The following URB1 variants were observed in gnomAD, a reference collection of about 807,000 sequenced individuals.
URB1 encodes the protein nucleolar pre-ribosomal-associated protein 1.
In URB1, 197 loss-of-function variants were observed where a neutral mutation model predicts 242.3. The observed-to-expected ratio is 0.81, with a 90% CI of 0.72 to 0.91. URB1 has a LOEUF of 0.91. Ranked by LOEUF, URB1 falls within the 40% of genes least tolerant of loss-of-function variation. The probability of loss-of-function intolerance (pLI) is 0.00; values close to 1 mark genes in which losing one functional copy is unlikely to be tolerated. For missense variants in URB1, 2,721 were observed against 2,860.5 expected (o/e 0.95, Z 1.11); for synonymous variants, 1,153 against 1,201.8 (o/e 0.96, Z 0.84).
At position 32,384,377 on chromosome 21, in the gene URB1, C is replaced by T; in HGVS notation, c.370G>A (p.Val124Met). 6.4e-6 allele frequency: 10 copies of T among 1,552,300 alleles called. No individual in the cohort carries two copies. The highest frequency in any genetic ancestry group is 1.2e-5 in the South Asian group (1 of 84,058). The change falls in exon 3 of 39, where the codon GTG becomes ATG. Residue 124 changes from valine to methionine, a missense_variant. Physicochemically the swap from Val to Met is conservative, Grantham distance 21. Coordinates refer to ENST00000382751, the MANE Select transcript of URB1 (RefSeq NM_014825.3). ...SHFHVVGTNIVKKLMNNHMKL... is the reference protein window; with the variant it reads ...SHFHVVGTNIMKKLMNNHMKL... ...ATGTGGTTGTTCATCAGCTTTTTCA[C>T]AATGTTGGTTCCCACAACATGGAAA...
intron 35 of URB1, 132 bp from the exon 36 acceptor site, chr21:32,319,546 G>C: frequency 1.0e-6 from 1 of 959,256 alleles, no homozygotes. Flanking sequence ...CAGGGTGCTT[G>C]CTATACAAAC....
In URB1 at chr21:32,347,667, G is replaced by T; in HGVS notation, c.3157C>A (p.Leu1053Ile). The T allele has an allele frequency of 6.4e-7, 1 of 1,551,620 alleles. No homozygotes were observed. Among genetic ancestry groups the T allele is most frequent in the Non-Finnish European group, 8.7e-7 (1 of 1,147,006 alleles). The change falls in exon 22 of 39, where the codon CTT becomes ATT. Residue 1053 changes from leucine to isoleucine, a missense_variant. Leu to Ile is a conservative substitution (Grantham distance 5, BLOSUM62 2). Transcript: ENST00000382751. ...LLATHFSAGV[L>I]QLLAASAPIL... Reference sequence around the variant, plus strand: ...GGGGCACTTGCTGCCAGCAGCTGAAGGACCCCTGCACTAAAGTGGGTGGCC... The same window carrying T: ...GGGGCACTTGCTGCCAGCAGCTGAATGACCCCTGCACTAAAGTGGGTGGCC...
At chr21:32,345,239 A>T in intron 23 of URB1, 135 bp downstream of exon 23, 1 of 969,920 alleles carries the variant, frequency 1.0e-6, no homozygotes, top group Non-Finnish European at 1.5e-6. Flanking sequence ...CTGGAAGTAG[A>T]GTTCTCATAG....
intron 15 of URB1, among the ~76,000 whole-genome samples, chr21:32,356,565 A>C (rs887335620): frequency 6.6e-6 from 1 of 152,098 alleles, no homozygotes; most frequent in Non-Finnish European, 1.5e-5. Context: ...CAGCTACTCA[A>C]CCCTTAGCCT....
intron 9 of URB1, 114 bp from the exon 10 acceptor site, chr21:32,366,869 G>C (rs538291560): frequency 1.7e-6 from 2 of 1,148,546 alleles, no homozygotes; most frequent in Admixed American, 2.6e-5. Context: ...AGCGGTAAAG[G>C]TCCGAGACTC....
chr21:32,333,799 A>G (rs1008569584), intron 29 of URB1, among the ~76,000 whole-genome samples: 29 of 152,336 alleles, frequency 1.9e-4, no homozygotes, highest in South Asian at 6.2e-4. Flanking sequence ...CCTGTATGGC[A>G]TAACTGTTTA....
At chr21:32,375,756 G>A (rs768904738) in intron 5 of URB1, among the ~76,000 whole-genome samples, 2 of 151,990 alleles carry the variant, frequency 1.3e-5, no homozygotes, top group South Asian at 2.1e-4. Context: ...ACCAGCCTGG[G>A]CAATATAGCA....
rs755218529 is a variant in URB1, at chr21:32,366,640, C to T, written c.1313G>A (p.Ser438Asn). 1.3e-6 allele frequency: 2 copies of T among 1,551,480 alleles called. No homozygotes were observed. Among genetic ancestry groups the T allele is most frequent in the Non-Finnish European group, 1.7e-6 (2 of 1,146,816 alleles). ...VTTVPLVCNK[S>N]MFTQALNLDS... The stretch of plus-strand genomic sequence containing the variant: ...TACGTTTAATGCTTGGGTGAACATG[C>T]TCTTATTGCACACCAGGGGCACGGT... Residue 438 changes from serine to asparagine, a missense_variant, in exon 10 of 39, where the codon AGC becomes AAC. Transcript: ENST00000382751.
chr21:32,323,105 T>A (rs1436594437), intron 32 of URB1, among the ~76,000 whole-genome samples: 1 of 152,194 alleles, frequency 6.6e-6, no homozygotes, highest in Non-Finnish European at 1.5e-5. Context: ...CCCATGACCA[T>A]GCTGCCCTGC....
At chr21:32,372,402 C>G in intron 8 of URB1, 105 bp downstream of exon 8, 1 of 1,388,382 alleles carries the variant, frequency 7.2e-7, no homozygotes, top group Admixed American at 2.9e-5. Flanking sequence ...AGATAATGTC[C>G]ACAATTCTAG....
At chr21:32,381,156 G>A (rs781100385) in intron 4 of URB1, among the ~76,000 whole-genome samples, 4 of 152,114 alleles carry the variant, frequency 2.6e-5, no homozygotes, top group Non-Finnish European at 5.9e-5. Context: ...CATCAAAGGC[G>A]TCCCACTCCT....
At chr21:32,371,072 G>C (rs2033401320) in intron 8 of URB1, among the ~76,000 whole-genome samples, 1 of 152,250 alleles carries the variant, frequency 6.6e-6, no homozygotes, top group South Asian at 2.1e-4. Context: ...TGACAGTGGA[G>C]GGACTATTTC....
At chr21:32,329,421 TG>T (rs1483331804) in intron 30 of URB1, among the ~76,000 whole-genome samples, 68 of 152,352 alleles carry the variant, frequency 4.5e-4, no homozygotes, top group African/African-American at 1.6e-3. Context: ...CAGAGGAGCC[TG>T]CGTGCTCTGG....
Position 32,344,674 on chromosome 21 carries a change from A to C in URB1, c.4153T>G (p.Ser1385Ala), listed in dbSNP as rs2033065553. The C allele has an allele frequency of 2.6e-6, 4 of 1,552,212 alleles. No homozygotes were observed. The highest frequency in any genetic ancestry group is 3.5e-6 in the Non-Finnish European group (4 of 1,147,114). ...GACACGATCAGCCACTTCACACAGG[A>C]CTCCAAAAGGGTCCTTCTCCAGGCA... Reference protein sequence around the residue: ...LCAWRRTLLESCVKWLIVSFS... With the variant: ...LCAWRRTLLEACVKWLIVSFS... Residue 1385 changes from serine (S) to alanine (A), a missense_variant, in exon 24 of 39, where the codon TCC (serine) becomes GCC (alanine). Ser to Ala is a moderately conservative substitution (Grantham distance 99). Coordinates refer to ENST00000382751, the MANE Select transcript of URB1 (RefSeq NM_014825.3).
Position 32,338,823 on chromosome 21 carries a change from A to G in URB1, c.4394T>C (p.Val1465Ala). The G allele has an allele frequency of 6.4e-7, 1 of 1,551,698 alleles. No homozygotes were observed. Among genetic ancestry groups the G allele is most frequent in the Non-Finnish European group, 8.7e-7 (1 of 1,146,992 alleles). The change falls in exon 26 of 39, where the codon GTG becomes GCG. Residue 1465 changes from valine to alanine, a missense_variant. Physicochemically the swap from Val to Ala is moderately conservative, Grantham distance 64. Transcript: ENST00000382751. Reference protein sequence around the residue: ...VQLLYSPESSVRTKLIQLPVV... With the variant: ...VQLLYSPESSARTKLIQLPVV... ...CGGGAGCTGGATGAGCTTCGTGCGC[A>G]CGGAGCTTTCTGGGCTGTACAGGAG...
Position 32,313,458 on chromosome 21 carries a change from T to C in URB1, c.*1460A>G, listed in dbSNP as rs1424956608. 1 of 152,204 alleles carries C rather than the reference T, an allele frequency of 6.6e-6. No individual in the cohort carries two copies. Among genetic ancestry groups the C allele is most frequent in the Non-Finnish European group, 1.5e-5 (1 of 68,048 alleles). 9.4% of individuals were successfully genotyped at this position (152,204 alleles called of 1,614,324 possible). On this transcript the variant is annotated 3_prime_UTR_variant, in exon 39 of 39. Transcript: ENST00000382751. The stretch of plus-strand genomic sequence containing the variant: ...GTGGGATTTCAAGTTCAGGATAGTC[T>C]CAAAGAATAGCGTTGTAAGGTTTAT...
At chr21:32,365,263 A>G (rs1451977124) in intron 10 of URB1, among the ~76,000 whole-genome samples, 1 of 152,150 alleles carries the variant, frequency 6.6e-6, no homozygotes, top group Non-Finnish European at 1.5e-5. Flanking sequence ...TGCGCAACAT[A>G]GCAAGACACT....
At chr21:32,327,692 C>T (rs377224419) in intron 30 of URB1, among the ~76,000 whole-genome samples, 1 of 152,160 alleles carries the variant, frequency 6.6e-6, no homozygotes, top group East Asian at 1.9e-4. Flanking sequence ...TTATAGCATA[C>T]TGAAATGTAA....
chr21:32,325,342 G>A lies in URB1; in HGVS notation c.5008C>T (p.Leu1670=). Residue 1670 remains leucine, a synonymous_variant, in exon 31 of 39, where the codon CTA becomes TTA. Transcript: ENST00000382751. ...RKFLDSNALG[L]TVTALSSYDP... Reference sequence around the variant, plus strand: ...TAGCTGCTGAGGGCTGTGACAGTTAGGCCCAGAGCATTTGAATCCAAAAAT... The same window carrying A: ...TAGCTGCTGAGGGCTGTGACAGTTAAGCCCAGAGCATTTGAATCCAAAAAT... The A allele has an allele frequency of 7.1e-6, 11 of 1,551,608 alleles. No individual in the cohort carries two copies. The highest frequency in any genetic ancestry group is 9.6e-6 in the Non-Finnish European group (11 of 1,146,926).
Sources: allele counts gnomAD v4.1 joint callset (sites outside exome capture counted in the v4.1 genomes callset), GRCh38; gene constraint gnomAD v4.1.1; transcripts MANE v1.5; gene names NCBI Gene and HGNC (gene_info 2026-07-23, HGNC 2026-07-21).